The following GEMIN2 variants were observed in gnomAD, a reference collection of about 807,000 sequenced individuals.
GEMIN2 encodes gem-associated protein 2.
In GEMIN2, 37 loss-of-function variants were observed where a neutral mutation model predicts 45.8. The observed-to-expected ratio is 0.81, with a 90% CI of 0.62 to 1.06. The LOEUF is 1.06. Among genes scored for constraint, GEMIN2 ranks in the 50% least tolerant of loss-of-function variants. GEMIN2 has a pLI of 0.00. For synonymous variants in GEMIN2, 101 were observed against 111.5 expected (o/e 0.91, Z 0.60); for missense variants, 335 against 321.8 (o/e 1.04, Z -0.31).
intron 5 of GEMIN2, among the ~76,000 whole-genome samples, chr14:39,124,728 G>A (rs904398472): frequency 1.3e-5 from 2 of 151,918 alleles, no homozygotes; most frequent in African/African-American, 2.4e-5. Flanking sequence ...AGCCAAGATC[G>A]CGCCACTACA....
At chr14:39,124,432 T>C (rs553719234) in intron 5 of GEMIN2, among the ~76,000 whole-genome samples, 81 of 152,322 alleles carry the variant, frequency 5.3e-4, no homozygotes, top group African/African-American at 1.8e-3. Context: ...AAAAAATTTT[T>C]AGTCTTTAAC....
chr14:39,133,639 A>AT (rs1304214528), intron 8 of GEMIN2, 22 bp from the exon 9 acceptor site: 3 of 1,282,472 alleles, frequency 2.3e-6, no homozygotes, highest in South Asian at 1.3e-5. Flanking sequence ...CAATATTTAA[A>AT]TTTTTCTTTT....
At chr14:39,133,409 TA>T (rs953493702) in intron 8 of GEMIN2, among the ~76,000 whole-genome samples, 100 of 150,270 alleles carry the variant, frequency 6.7e-4, no homozygotes, top group African/African-American at 2.3e-3. Flanking sequence ...TCCCCCAAGT[TA>T]TCCCCCTTAG....
rs770295502 is a variant in GEMIN2 at position 39,128,319 on chromosome 14, T to C, written c.571T>C (p.Phe191Leu). The C allele has an allele frequency of 3.1e-5, 49 of 1,586,080 alleles. No homozygotes were observed. Among genetic ancestry groups the C allele is most frequent in the Admixed American group, 8.6e-5 (5 of 58,416 alleles). The stretch of plus-strand genomic sequence containing the variant: ...TGTCTTGGAATATCTGAGTAATTGG[T>C]TTGGAGAAAGAGACTTTACTCCAGA... ...TSVLEYLSNWFGERDFTPELG... is the reference protein window; with the variant it reads ...TSVLEYLSNWLGERDFTPELG... The change falls in exon 7 of 10, where the codon TTT becomes CTT. Residue 191 changes from phenylalanine to leucine, a missense_variant. By Grantham distance (22) the Phe-to-Leu change is conservative. Transcript: ENST00000308317.
At chr14:39,118,221 A>C in intron 3 of GEMIN2, 133 bp downstream of exon 3, 1 of 503,086 alleles carries the variant, frequency 2.0e-6, no homozygotes, top group Non-Finnish European at 3.5e-6. Flanking sequence ...TTATTTTTAT[A>C]ATCATTAGAC....
At chr14:39,129,833 C>T (rs1478627011) in intron 7 of GEMIN2, among the ~76,000 whole-genome samples, 1 of 151,294 alleles carries the variant, frequency 6.6e-6, no homozygotes, top group Non-Finnish European at 1.5e-5. Flanking sequence ...CAACATACTA[C>T]TTCCTTCATT....
intron 2 of GEMIN2, among the ~76,000 whole-genome samples, chr14:39,116,518 A>G (rs981815538): frequency 2.0e-5 from 3 of 148,372 alleles, no homozygotes; most frequent in African/African-American, 7.5e-5. Flanking sequence ...CCGGGTTCAC[A>G]CCATTCTCCT....
At position 39,132,635 on chromosome 14, in the gene GEMIN2, T is replaced by C. The variant is rs1594521020; in HGVS notation, c.711+567T>C. 2.6e-5 allele frequency among the ~76,000 whole-genome samples: 4 copies of C among 151,268 alleles called. No homozygotes were observed. The Admixed American group carries it at 2.7e-4, about 10-fold the overall frequency. ...GGCTTTCATCCTCATGCTCATCTTATGATCCAAGATGGCTGCTGTAGCTTC... is the reference window on the plus strand; with the variant it reads ...GGCTTTCATCCTCATGCTCATCTTACGATCCAAGATGGCTGCTGTAGCTTC... On this transcript the variant is annotated intron_variant, in intron 8 of 9. Transcript: ENST00000308317.
At chr14:39,128,450 C>A in intron 7 of GEMIN2, 102 bp downstream of exon 7, 6 of 492,422 alleles carry the variant, frequency 1.2e-5, no homozygotes, top group African/African-American at 2.2e-5. Flanking sequence ...GATTATAATA[C>A]TGTATTTTTA....
chr14:39,119,342 T>C (rs534714488), intron 4 of GEMIN2, among the ~76,000 whole-genome samples: 13 of 152,306 alleles, frequency 8.5e-5, no homozygotes, highest in African/African-American at 2.6e-4. Flanking sequence ...TCCAGTGACA[T>C]ATAAGTGAAA....
intron 5 of GEMIN2, among the ~76,000 whole-genome samples, chr14:39,124,334 G>A (rs2052613327): frequency 6.6e-6 from 1 of 152,108 alleles, no homozygotes; most frequent in South Asian, 2.1e-4. Flanking sequence ...TTTTGAAATG[G>A]TGTATACAAC....
At chr14:39,121,879 ATTTTT>A in intron 4 of GEMIN2, 1 of 154,932 alleles carries the variant, frequency 6.5e-6, no homozygotes, top group Non-Finnish European at 1.4e-5. Flanking sequence ...CATCCGGCTA[ATTTTT>A]TTTTTTTTTG....
In GEMIN2 at chr14:39,136,533, T is replaced by G; in HGVS notation, c.*54T>G. 1 of 1,447,458 alleles carries G rather than the reference T, an allele frequency of 6.9e-7. No individual in the cohort carries two copies. The highest frequency in any genetic ancestry group is 9.7e-7 in the Non-Finnish European group (1 of 1,034,068). 89.7% of individuals were successfully genotyped at this position (1,447,458 alleles called of 1,614,324 possible). ...ATTTCTCATGAAGGCAGCCTAACTCTGAGGAAAACAATGCCAATTCAAGTA... is the reference window on the plus strand; with the variant it reads ...ATTTCTCATGAAGGCAGCCTAACTCGGAGGAAAACAATGCCAATTCAAGTA... On this transcript the variant is annotated 3_prime_UTR_variant, in exon 10 of 10. Coordinates refer to ENST00000308317, the MANE Select transcript of GEMIN2 (RefSeq NM_003616.3).
At chr14:39,121,636 C>T (rs997853818) in intron 4 of GEMIN2, among the ~76,000 whole-genome samples, 9 of 152,208 alleles carry the variant, frequency 5.9e-5, no homozygotes, top group African/African-American at 2.2e-4. Flanking sequence ...GATTAAACAA[C>T]AGAAATGTAT....
At chr14:39,116,417 T>C (rs1256621987) in intron 2 of GEMIN2, among the ~76,000 whole-genome samples, 7 of 149,490 alleles carry the variant, frequency 4.7e-5, no homozygotes, top group Non-Finnish European at 8.9e-5. Context: ...TTTCTTTTTT[T>C]TTTTTTTTTG....
At chr14:39,116,180 C>T (rs1404650198) in intron 2 of GEMIN2, among the ~76,000 whole-genome samples, 4 of 151,836 alleles carry the variant, frequency 2.6e-5, no homozygotes, top group South Asian at 4.2e-4. Context: ...GGATTACAGG[C>T]GTGTGCCACC....
intron 6 of GEMIN2, among the ~76,000 whole-genome samples, chr14:39,125,868 A>G (rs2052633551): frequency 6.6e-6 from 1 of 151,960 alleles, no homozygotes; most frequent in Non-Finnish European, 1.5e-5. Context: ...AAAAATACAA[A>G]AATTAGCTGG....
intron 4 of GEMIN2, among the ~76,000 whole-genome samples, chr14:39,120,851 T>C (rs1013706551): frequency 1.3e-5 from 2 of 152,184 alleles, no homozygotes; most frequent in African/African-American, 4.8e-5. Context: ...AGTCTCGAAC[T>C]CCTGACCTCA....
intron 9 of GEMIN2, among the ~76,000 whole-genome samples, chr14:39,134,756 A>G (rs2052761848): frequency 6.6e-6 from 1 of 152,172 alleles, no homozygotes; most frequent in Non-Finnish European, 1.5e-5. Flanking sequence ...AGGTTAAATA[A>G]TATTACTACC....
Sources: allele counts gnomAD v4.1 joint callset (sites outside exome capture counted in the v4.1 genomes callset), GRCh38; gene constraint gnomAD v4.1.1; transcripts MANE v1.5; gene names NCBI Gene and HGNC (gene_info 2026-07-23, HGNC 2026-07-21).